Variants in USP53 observed in about 807,000 individuals in gnomAD.
USP53 encodes the protein ubiquitin carboxyl-terminal hydrolase 53.
USP53 carries 71 observed loss-of-function variants against 94.9 expected under a neutral mutation model. That is an observed-to-expected ratio of 0.75 (90% CI 0.62 to 0.91). The LOEUF (loss-of-function observed/expected upper bound fraction) is 0.91, where lower values mean the gene tolerates loss of function less well. Ranked by LOEUF, USP53 falls within the 40% of genes least tolerant of loss-of-function variation. The pLI is 0.00. For synonymous variants in USP53, 375 were observed against 422.7 expected (o/e 0.89, Z 1.39); for missense variants, 1,173 against 1,281.0 (o/e 0.92, Z 1.29).
chr4:119,271,329 C>A lies in USP53; in HGVS notation c.1469C>A (p.Ser490Tyr). The change falls in exon 16 of 19, where the codon TCT becomes TAT. Residue 490 changes from serine to tyrosine, a missense_variant. Physicochemically the swap from Ser to Tyr is moderately radical, Grantham distance 144. Coordinates refer to ENST00000692078, the MANE Select transcript of USP53 (RefSeq NM_001371395.1). ...LVDEDLSHFQ[S>Y]GSPPAPNGFK... ...GATGAAGACCTTTCACATTTCCAAT[C>A]TGGATCACCTCCTGCCCCAAATGGT... 6.4e-7 allele frequency: 1 copy of A among 1,568,978 alleles called. No individual in the cohort carries two copies. Among genetic ancestry groups the A allele is most frequent in the Non-Finnish European group, 8.6e-7 (1 of 1,163,264 alleles).
In USP53 at chr4:119,271,744, G is replaced by T. The variant is rs1411549424; in HGVS notation, c.1884G>T (p.Trp628Cys). ...GCAAGGATCCGAGTTTTAGTAATTG[G>T]CCAAAAGAGAATCCAAAGCAAAAAG... ...KSSKDPSFSN[W>C]PKENPKQKGL... Residue 628 changes from tryptophan to cysteine, a missense_variant, in exon 16 of 19, where the codon TGG becomes TGT. Trp to Cys is a radical substitution (Grantham distance 215). Transcript: ENST00000692078. 6.2e-7 allele frequency: 1 copy of T among 1,613,948 alleles called. No homozygotes were observed. Among genetic ancestry groups the T allele is most frequent in the East Asian group, 2.2e-5 (1 of 44,860 alleles).
intron 3 of USP53, among the ~76,000 whole-genome samples, chr4:119,224,316 A>G (rs1429669199): frequency 6.6e-6 from 1 of 152,184 alleles, no homozygotes; most frequent in African/African-American, 2.4e-5. Flanking sequence ...TTTAAACAGA[A>G]CCGATGTATA....
intron 3 of USP53, among the ~76,000 whole-genome samples, chr4:119,229,807 A>G (rs917226628): frequency 6.6e-6 from 1 of 152,096 alleles, no homozygotes; most frequent in African/African-American, 2.4e-5. Context: ...CACAAGTCTG[A>G]TTGTAATTTC....
At chr4:119,259,001 C>A (rs1561274288) in intron 9 of USP53, among the ~76,000 whole-genome samples, 1 of 152,198 alleles carries the variant, frequency 6.6e-6, no homozygotes, top group African/African-American at 2.4e-5. Flanking sequence ...AGTATCCTGG[C>A]TGAGCTCAGT....
At chr4:119,223,282 A>G (rs1173014279) in intron 3 of USP53, among the ~76,000 whole-genome samples, 2 of 152,186 alleles carry the variant, frequency 1.3e-5, no homozygotes, top group Non-Finnish European at 2.9e-5. Flanking sequence ...TGAGGGGTAT[A>G]TGTCATTATT....
At position 119,271,842 on chromosome 4, in the gene USP53, A is replaced by C. The variant is rs1395066544; in HGVS notation, c.1982A>C (p.Lys661Thr). 1 of 1,613,270 alleles carries C rather than the reference A, an allele frequency of 6.2e-7. No individual in the cohort carries two copies. The highest frequency in any genetic ancestry group is 8.5e-7 in the Non-Finnish European group (1 of 1,179,872). ...AGAAGTTCCCTTGAATCTAATGGAA[A>C]AGGAGCAGAGAAAAATAAAGGCCTT... ...GSRSSLESNG[K>T]GAEKNKGLVE... Residue 661 changes from lysine to threonine, a missense_variant, in exon 16 of 19, where the codon AAA becomes ACA. Physicochemically the swap from Lys to Thr is moderately conservative, Grantham distance 78. Coordinates refer to ENST00000692078, the MANE Select transcript of USP53 (RefSeq NM_001371395.1).
At chr4:119,220,063 G>T (rs1744302871) in intron 3 of USP53, 1 of 152,148 alleles carries the variant, frequency 6.6e-6, no homozygotes, top group African/African-American at 2.4e-5. Context: ...TCTTATTTAA[G>T]CCTTACAGAA....
intron 5 of USP53, among the ~76,000 whole-genome samples, chr4:119,242,601 ACT>A (rs1747688407): frequency 6.6e-6 from 1 of 151,672 alleles, no homozygotes; most frequent in East Asian, 1.9e-4. Context: ...CCTGATGTTA[ACT>A]CTCTGTGCAG....
chr4:119,268,124 G>A (rs1028254987), intron 13 of USP53, 144 bp from the exon 14 acceptor site: 9 of 683,302 alleles, frequency 1.3e-5, no homozygotes, highest in South Asian at 4.8e-5. Context: ...CCGAGATTGC[G>A]CCACTGCAGT....
chr4:119,223,162 A>G lies in USP53; in HGVS notation c.-665+5489A>G, dbSNP rs1420841328. On this transcript the variant is annotated intron_variant, in intron 3 of 18. Coordinates refer to ENST00000692078, the MANE Select transcript of USP53 (RefSeq NM_001371395.1). ...AAGCTGAGCATGAGTTAAGGTGCCC[A>G]ATTAAAGGAAGCTTAAATTACACCA... Among the ~76,000 whole-genome samples the G allele has an allele frequency of 2.0e-5, 3 of 152,352 alleles. No homozygotes were observed. In the South Asian group the frequency reaches 6.2e-4, roughly 32 times the overall value.
intron 2 of USP53, among the ~76,000 whole-genome samples, chr4:119,216,650 T>A (rs1038828523): frequency 2.0e-5 from 3 of 152,236 alleles, no homozygotes; most frequent in Non-Finnish European, 4.4e-5. Context: ...ATTAGGTTTT[T>A]CATATGCTAG....
At chr4:119,269,622 T>A (rs1447164277) in intron 14 of USP53, 69 bp from the exon 15 acceptor site, 14 of 1,091,384 alleles carry the variant, frequency 1.3e-5, no homozygotes, top group Non-Finnish European at 1.7e-5. Flanking sequence ...TTTATATAGA[T>A]CAATTTTTAT....
intron 2 of USP53, among the ~76,000 whole-genome samples, chr4:119,216,807 A>G (rs1231642074): frequency 1.3e-5 from 2 of 152,236 alleles, no homozygotes; most frequent in Non-Finnish European, 2.9e-5. Flanking sequence ...GTTAAGTTTA[A>G]TATATCAGTT....
chr4:119,255,679 G>T (rs1021093164), intron 7 of USP53, among the ~76,000 whole-genome samples: 2 of 152,190 alleles, frequency 1.3e-5, no homozygotes, highest in Admixed American at 1.3e-4. Flanking sequence ...CTAGGAAAGG[G>T]AAATCCCCTG....
At chr4:119,265,283 A>G (rs958008546) in intron 12 of USP53, among the ~76,000 whole-genome samples, 3 of 152,230 alleles carry the variant, frequency 2.0e-5, no homozygotes, top group African/African-American at 7.2e-5. Context: ...ATTTAAAATC[A>G]GCACTTTGCT....
At chr4:119,256,575 C>T in intron 9 of USP53, 52 bp downstream of exon 9, 1 of 1,543,572 alleles carries the variant, frequency 6.5e-7, no homozygotes, top group Non-Finnish European at 9.0e-7. Context: ...CATATTTAAG[C>T]ACATTGAGCA....
intron 3 of USP53, among the ~76,000 whole-genome samples, chr4:119,227,146 T>C (rs544635503): frequency 3.9e-5 from 6 of 152,194 alleles, no homozygotes; most frequent in African/African-American, 1.4e-4. Flanking sequence ...TCAATTAATT[T>C]TTGACAAAGT....
At chr4:119,278,503 AC>A (rs1752976298) in intron 17 of USP53, among the ~76,000 whole-genome samples, 1 of 142,014 alleles carries the variant, frequency 7.0e-6, no homozygotes, top group South Asian at 2.4e-4. Context: ...TTTGAGAGTA[AC>A]CCGACCTTTC....
At chr4:119,255,097 G>T (rs1749576159) in intron 7 of USP53, among the ~76,000 whole-genome samples, 1 of 152,240 alleles carries the variant, frequency 6.6e-6, no homozygotes, top group South Asian at 2.1e-4. Context: ...TCCTCTGGAA[G>T]CTTTGTCCCA....
Sources: allele counts gnomAD v4.1 joint callset (sites outside exome capture counted in the v4.1 genomes callset), GRCh38; gene constraint gnomAD v4.1.1; transcripts MANE v1.5; gene names NCBI Gene and HGNC (gene_info 2026-07-23, HGNC 2026-07-21).